Variants in FCHSD2 observed in about 807,000 individuals in gnomAD.
FCHSD2 encodes F-BAR and double SH3 domains protein 2.
In FCHSD2, 38 loss-of-function variants were observed where a neutral mutation model predicts 108.1. The observed-to-expected ratio is 0.35, with a 90% CI of 0.27 to 0.46. The LOEUF is 0.46. Ranked by LOEUF, FCHSD2 falls within the 20% of genes least tolerant of loss-of-function variation. The pLI, the probability that FCHSD2 is intolerant of heterozygous loss-of-function variation, is 1.00. For missense variants in FCHSD2, 751 were observed against 897.8 expected (o/e 0.84, Z 2.09); for synonymous variants, 279 against 314.7 (o/e 0.89, Z 1.20).
At chr11:73,065,786 C>T (rs2135492852) in intron 3 of FCHSD2, among the ~76,000 whole-genome samples, 1 of 152,198 alleles carries the variant, frequency 6.6e-6, no homozygotes, top group East Asian at 1.9e-4. Flanking sequence ...CCTAGGAATC[C>T]AACTTACAAG....
chr11:73,119,531 T>C (rs1472281391), intron 2 of FCHSD2, among the ~76,000 whole-genome samples: 2 of 152,112 alleles, frequency 1.3e-5, no homozygotes, highest in Non-Finnish European at 2.9e-5. Context: ...GTGGCACAAT[T>C]ATAGCTCACT....
intron 8 of FCHSD2, among the ~76,000 whole-genome samples, chr11:72,971,345 AC>A (rs1857003210): frequency 6.6e-6 from 1 of 152,082 alleles, no homozygotes; most frequent in African/African-American, 2.4e-5. Context: ...GATCCCAGTG[AC>A]CCTTGCCCTT....
chr11:72,903,257 C>T (rs1016663263), intron 9 of FCHSD2, among the ~76,000 whole-genome samples: 2 of 151,974 alleles, frequency 1.3e-5, no homozygotes, highest in African/African-American at 4.8e-5. Flanking sequence ...CGCTCTGTCG[C>T]CTGGGCTGGA....
In FCHSD2 at chr11:72,903,736, C is replaced by A. The variant is rs557849726; in HGVS notation, c.829-1098G>T. ...ATATTATAGCCCATTAGCACCTCTG[C>A]TAGAAGATGGGCAGAAGAAAAAAAA... On this transcript the variant is annotated intron_variant, in intron 9 of 19. Coordinates refer to ENST00000409418, the MANE Select transcript of FCHSD2 (RefSeq NM_014824.3). Among the ~76,000 whole-genome samples, 4 of 152,174 alleles carry A rather than the reference C, an allele frequency of 2.6e-5. No homozygotes were observed. The East Asian group carries it at 7.7e-4, about 29-fold the overall frequency.
At position 73,140,827 on chromosome 11, in the gene FCHSD2, C is replaced by CG. The variant is rs545539659; in HGVS notation, c.22-700dup. On this transcript the variant is annotated intron_variant, in intron 1 of 19. Transcript: ENST00000409418. ...GGCCAGAGAGCCTCGCCCGCCAGGC[C>CG]GGGGCCCCAGGGTTCGAAGTTAACG... is the stretch of plus-strand genomic sequence containing the variant. Among the ~76,000 whole-genome samples the CG allele has an allele frequency of 3.0e-3, 460 of 152,328 alleles. 1 individual carries two copies. Among genetic ancestry groups the CG allele is most frequent in the African/African-American group, 0.011 (440 of 41,588 alleles).
chr11:72,865,383 T>G (rs778902740), intron 13 of FCHSD2, among the ~76,000 whole-genome samples: 1 of 152,118 alleles, frequency 6.6e-6, no homozygotes, highest in Non-Finnish European at 1.5e-5. Context: ...TTCCACAAAA[T>G]GTAATCTCTC....
chr11:73,041,421 T>G (rs1387365385), intron 3 of FCHSD2, among the ~76,000 whole-genome samples: 1 of 152,212 alleles, frequency 6.6e-6, no homozygotes, highest in Non-Finnish European at 1.5e-5. Flanking sequence ...ATAATCACCA[T>G]TCTGACTGAG....
chr11:72,860,173 C>CT (rs1861532365), intron 13 of FCHSD2, among the ~76,000 whole-genome samples: 1 of 152,206 alleles, frequency 6.6e-6, no homozygotes, highest in Non-Finnish European at 1.5e-5. Context: ...GTAATGCTCC[C>CT]TCTCTGGCCA....
At chr11:72,945,891 A>G (rs1856509331) in intron 8 of FCHSD2, among the ~76,000 whole-genome samples, 1 of 152,210 alleles carries the variant, frequency 6.6e-6, no homozygotes, top group East Asian at 1.9e-4. Context: ...GAAAGTCAGG[A>G]AACAACTGGT....
chr11:72,882,013 C>T (rs956541703), intron 12 of FCHSD2, among the ~76,000 whole-genome samples: 11 of 152,028 alleles, frequency 7.2e-5, no homozygotes, highest in African/African-American at 1.7e-4. Flanking sequence ...GGTGTGGTGG[C>T]GGGCGCCTGT....
chr11:72,982,978 T>G (rs561364903), intron 8 of FCHSD2, among the ~76,000 whole-genome samples: 4 of 151,964 alleles, frequency 2.6e-5, no homozygotes, highest in Non-Finnish European at 5.9e-5. Context: ...CTGGTCAACA[T>G]AGCAAGACTC....
intron 12 of FCHSD2, among the ~76,000 whole-genome samples, chr11:72,871,417 T>G (rs1429700979): frequency 6.6e-6 from 1 of 152,244 alleles, no homozygotes; most frequent in Non-Finnish European, 1.5e-5. Flanking sequence ...TCAGCCTCTT[T>G]TGCTTAGCAA....
At chr11:72,932,387 C>T (rs1856211937) in intron 8 of FCHSD2, among the ~76,000 whole-genome samples, 1 of 152,166 alleles carries the variant, frequency 6.6e-6, no homozygotes, top group Non-Finnish European at 1.5e-5. Flanking sequence ...GGCTACTCAT[C>T]ACATTTAGGA....
At chr11:72,967,002 T>A (rs1206776601) in intron 8 of FCHSD2, among the ~76,000 whole-genome samples, 1 of 151,968 alleles carries the variant, frequency 6.6e-6, no homozygotes, top group East Asian at 1.9e-4. Context: ...ATTGAGACCA[T>A]CCTGGCTAAC....
intron 3 of FCHSD2, among the ~76,000 whole-genome samples, chr11:73,050,459 C>A (rs1394099341): frequency 6.6e-6 from 1 of 152,046 alleles, no homozygotes; most frequent in Non-Finnish European, 1.5e-5. Flanking sequence ...ATATATGGGA[C>A]GGGTCACCTT....
intron 4 of FCHSD2, among the ~76,000 whole-genome samples, chr11:73,002,175 G>C (rs952950669): frequency 6.6e-6 from 1 of 151,994 alleles, no homozygotes; most frequent in African/African-American, 2.4e-5. Context: ...GTAGAAGCAA[G>C]AAAAAGAAAA....
At chr11:72,915,251 T>C (rs970879227) in intron 9 of FCHSD2, among the ~76,000 whole-genome samples, 5 of 151,946 alleles carry the variant, frequency 3.3e-5, no homozygotes, top group African/African-American at 1.2e-4. Context: ...AAACAACGGA[T>C]GCTGGCAAGG....
At chr11:73,097,708 T>C (rs1322244165) in intron 2 of FCHSD2, among the ~76,000 whole-genome samples, 1 of 151,868 alleles carries the variant, frequency 6.6e-6, no homozygotes, top group Non-Finnish European at 1.5e-5. Flanking sequence ...TAGTAATTTG[T>C]GTGTTTCTAA....
In FCHSD2 at chr11:73,118,387, A is replaced by G. The variant is rs143850216; in HGVS notation, c.119+21644T>C. 2.0e-4 allele frequency among the ~76,000 whole-genome samples: 31 copies of G among 152,312 alleles called. No homozygotes were observed. The East Asian group carries it at 5.6e-3, about 28-fold the overall frequency. ...ATCCCAAAAAGTTTCCTCATGCCCC[A>G]TCTTAGTCAATTCCTACCCTTAAAC... On this transcript the variant is annotated intron_variant, in intron 2 of 19. Coordinates refer to ENST00000409418, the MANE Select transcript of FCHSD2 (RefSeq NM_014824.3).
Sources: gnomAD v4.1 joint callset for allele counts (sites outside exome capture counted in the v4.1 genomes callset) on GRCh38, gnomAD v4.1.1 for gene constraint, MANE v1.5 for transcripts, NCBI Gene and HGNC (gene_info 2026-07-23, HGNC 2026-07-21) for gene names.